Variants in TRPM5 observed in about 807,000 individuals in gnomAD.
The protein encoded by TRPM5 is MLSN1 and TRP-related.
In TRPM5, 121 loss-of-function variants were observed where a neutral mutation model predicts 124.9. The observed-to-expected ratio is 0.97, with a 90% confidence interval of 0.84 to 1.13. The LOEUF is 1.13. Ranked by LOEUF, TRPM5 falls within the 50% of genes most tolerant of loss-of-function variation. The pLI is 0.00. For missense variants in TRPM5, 1,643 were observed against 1,589.1 expected, an observed-to-expected ratio of 1.03 and a Z score of -0.58; for synonymous variants, 781 against 700.5, an observed-to-expected ratio of 1.11 and a Z score of -1.81.
At chr11:2,422,011 T>TA in intron 2 of TRPM5, 130 bp downstream of exon 7, 1 of 759,264 alleles carries the variant, frequency 1.3e-6, no homozygotes, top group Non-Finnish European at 1.8e-6. Flanking sequence ...CTGTGCCGGG[T>TA]GGGGGGACAG....
chr11:2,414,721 C>A, exon 11 of TRPM5: 1 of 1,538,968 alleles, frequency 6.5e-7, no homozygotes, highest in Non-Finnish European at 8.8e-7. Context: ...TCACCAAGGG[C>A]CAGCCGCTCG....
chr11:2,417,886 C>T, intron 6 of TRPM5, 57 bp from the exon 12 acceptor site: 1 of 1,487,248 alleles, frequency 6.7e-7, no homozygotes, highest in Non-Finnish European at 9.2e-7. Flanking sequence ...GGGGCAGAGG[C>T]AGGCCGTGGT....
chr11:2,405,260 G>A (rs956237048), intron 23 of TRPM5, among the ~76,000 whole-genome samples: 3 of 152,232 alleles, frequency 2.0e-5, no homozygotes, highest in Non-Finnish European at 2.9e-5. Flanking sequence ...CGAGGGGCCC[G>A]TTTGCTTGCT....
the TRPM5 span, among the ~76,000 whole-genome samples, chr11:2,428,340 C>T: frequency 1.3e-5 from 2 of 152,194 alleles, no homozygotes; most frequent in Non-Finnish European, 1.5e-5. This position sits in a 1 kb window ranked among gnomAD's most constrained non-coding sequence, Gnocchi z 4.0. Flanking sequence ...GGGACTTGCT[C>T]TCTGGGACCC....
chr11:2,430,741 TGG>T, the TRPM5 span, among the ~76,000 whole-genome samples: 6,954 of 128,514 alleles, frequency 0.054, 243 homozygotes, highest in South Asian at 0.12. Flanking sequence ...GTGATGGTGA[TGG>T]TGTTGGTGGT....
At chr11:2,409,057 C>G (rs1422142629) in intron 18 of TRPM5, among the ~76,000 whole-genome samples, 2 of 152,188 alleles carry the variant, frequency 1.3e-5, no homozygotes, top group Non-Finnish European at 2.9e-5. Flanking sequence ...TGCCTGGGTC[C>G]TGAGCTGGAG....
At chr11:2,408,402 G>T (rs1207077760) in intron 18 of TRPM5, among the ~76,000 whole-genome samples, 2 of 152,236 alleles carry the variant, frequency 1.3e-5, no homozygotes, top group Non-Finnish European at 2.9e-5. Context: ...ACTAATGCCT[G>T]TGATTAAACC....
exon 11 of TRPM5, chr11:2,414,802 T>C (rs1283643658): frequency 6.3e-7 from 1 of 1,581,534 alleles, no homozygotes; most frequent in Admixed American, 1.8e-5. Context: ...TTGAGGATTT[T>C]GCAGGCGGCC....
chr11:2,407,895 A>G lies in TRPM5; in HGVS notation c.2800T>C (p.Ser934Pro), dbSNP rs144006502. The G allele has an allele frequency of 4.5e-4, 721 of 1,613,608 alleles. 1 individual carries two copies. The highest frequency in any genetic ancestry group is 5.9e-4 in the Non-Finnish European group (696 of 1,179,938). Residue 934 changes from serine to proline, a missense_variant, in exon 19 of 24, where the codon TCC becomes CCC. Physicochemically the swap from Ser to Pro is moderately conservative, Grantham distance 74. Transcript: ENST00000155858. ...TCCTCCAGCAGCAGTGGGTGGGTGG[A>G]GCAGTTCACACGGGCTTCTGGAAAG...
At chr11:2,431,839 G>A in the TRPM5 span, among the ~76,000 whole-genome samples, 1 of 152,150 alleles carries the variant, frequency 6.6e-6, no homozygotes, top group African/African-American at 2.4e-5. Flanking sequence ...CCCTCTGAAA[G>A]GTCTTTCATT....
chr11:2,414,880 CGCGCT>C (rs1565010848), intron 10 of TRPM5, 22 bp downstream of exon 15: 19 of 1,594,618 alleles, frequency 1.2e-5, no homozygotes, highest in Non-Finnish European at 1.6e-5. Context: ...CCCCTGCCCC[CGCGCT>C]GGGCCCGCGG....
At chr11:2,426,136 G>T (rs910764590), upstream of TRPM5, among the ~76,000 whole-genome samples, 4 of 152,142 alleles carry the variant, frequency 2.6e-5, no homozygotes, top group Admixed American at 6.5e-5. Flanking sequence ...CACAACCAAA[G>T]CTCTGGCCCT....
At chr11:2,408,853 C>T (rs1305858565) in intron 18 of TRPM5, among the ~76,000 whole-genome samples, 3 of 152,254 alleles carry the variant, frequency 2.0e-5, no homozygotes, top group African/African-American at 7.2e-5. Context: ...CCTCCCCAGC[C>T]TGCACGCTGG....
At chr11:2,407,206 C>T in exon 20 of TRPM5, 2 of 1,611,130 alleles carry the variant, frequency 1.2e-6, no homozygotes, top group Non-Finnish European at 1.7e-6. Context: ...AAGGGCGGGG[C>T]CAGGGCGGGG....
intron 18 of TRPM5, 134 bp downstream of exon 23, chr11:2,411,218 A>G: frequency 2.6e-6 from 3 of 1,137,518 alleles, no homozygotes; most frequent in Non-Finnish European, 3.6e-6. Flanking sequence ...GGCCTCAGCC[A>G]CTTCTCCCAT....
chr11:2,428,105 T>A, the TRPM5 span, among the ~76,000 whole-genome samples: 2 of 152,004 alleles, frequency 1.3e-5, no homozygotes, highest in East Asian at 3.9e-4. This position sits in a 1 kb window ranked among gnomAD's most constrained non-coding sequence, Gnocchi z 4.0. Flanking sequence ...AGTCCTGGGA[T>A]TGGATCCTGC....
At chr11:2,427,615 G>A (rs1845849559), upstream of TRPM5, among the ~76,000 whole-genome samples, 1 of 152,276 alleles carries the variant, frequency 6.6e-6, no homozygotes, top group African/African-American at 2.4e-5. Context: ...TTGGCACCAA[G>A]GCCCTGGGGG....
At chr11:2,408,132 T>C (rs2133501168) in intron 18 of TRPM5, among the ~76,000 whole-genome samples, 1 of 152,290 alleles carries the variant, frequency 6.6e-6, no homozygotes, top group South Asian at 2.1e-4. Context: ...AGCCCCACCC[T>C]GGGCCCCCTC....
At chr11:2,415,467 C>T in exon 9 of TRPM5, 1 of 1,560,136 alleles carries the variant, frequency 6.4e-7, no homozygotes. Flanking sequence ...CTCCAGGTCA[C>T]AGGACTTGGC....
Sources: gnomAD v4.1 joint callset for allele counts (sites outside exome capture counted in the v4.1 genomes callset) on GRCh38, gnomAD v4.1.1 for gene constraint, Gnocchi (gnomAD v3.1) non-coding constraint, MANE v1.5 for transcripts, NCBI Gene and HGNC (gene_info 2026-07-23, HGNC 2026-07-21) for gene names.